The following MYT1L variants were observed in gnomAD, a reference collection of about 807,000 sequenced individuals.
MYT1L encodes the protein myelin transcription factor 1-like protein.
MYT1L carries 12 observed loss-of-function variants against 126.7 expected under a neutral mutation model. The ratio of observed to expected loss-of-function variants is 0.09; its 90% confidence interval spans 0.06 to 0.15. The LOEUF is 0.15. Ranked by LOEUF, MYT1L falls within the 10% of genes least tolerant of loss-of-function variation. MYT1L has a pLI of 1.00. For missense variants in MYT1L, 979 were observed against 1,585.2 expected (o/e 0.62, Z 6.49); for synonymous variants, 541 against 604.2 (o/e 0.90, Z 1.53).
chr2:2,277,213 A>G (rs2095374593), intron 2 of MYT1L, among the ~76,000 whole-genome samples: 1 of 152,040 alleles, frequency 6.6e-6, no homozygotes, highest in African/African-American at 2.4e-5. Context: ...CTCGTGATCC[A>G]TCTGCCTCGG....
chr2:2,287,382 C>T (rs964276918), intron 1 of MYT1L, among the ~76,000 whole-genome samples: 2 of 152,018 alleles, frequency 1.3e-5, no homozygotes, highest in Non-Finnish European at 2.9e-5. Flanking sequence ...ATGTCAGGAC[C>T]ATTATCTTTC....
At position 2,065,820 on chromosome 2, in the gene MYT1L, TTA is replaced by T. The variant is rs1491517712; in HGVS notation, c.-303-11699_-303-11698del. Among the ~76,000 whole-genome samples, 453 of 126,958 alleles carry T rather than the reference TTA, an allele frequency of 3.6e-3. 3 individuals are homozygous for T. The highest frequency in any genetic ancestry group is 0.014 in the African/African-American group (426 of 31,490). The allele number at this position is 126,958 out of a possible 152,430, so 83.3% of individuals were successfully genotyped here. On this transcript the variant is annotated intron_variant, in intron 3 of 24. Coordinates refer to ENST00000647738, the MANE Select transcript of MYT1L (RefSeq NM_001303052.2). ...CCTAGGGCATATCAATCTCTCTCTT[TTA>T]TACACACACACACACACACACACAC... is the stretch of plus-strand genomic sequence containing the variant.
Position 1,979,155 on chromosome 2 carries a change from C to G in MYT1L, c.152+10G>C, listed in dbSNP as rs746638906. 1.9e-6 allele frequency: 3 copies of G among 1,610,260 alleles called. No individual in the cohort carries two copies. Among genetic ancestry groups the G allele is most frequent in the African/African-American group, 1.3e-5 (1 of 74,888 alleles). ...ACAGCACATTGTGGAAAAAAAAATG[C>G]AGGCATTACCTTCTGTGTCTTGCAT... is the stretch of plus-strand genomic sequence containing the variant. On this transcript the variant is annotated intron_variant, in intron 8 of 24. Coordinates refer to ENST00000647738, the MANE Select transcript of MYT1L (RefSeq NM_001303052.2). The surrounding 1 kb of genome is among the most constrained non-coding windows in gnomAD (Gnocchi z 4.0).
intron 2 of MYT1L, among the ~76,000 whole-genome samples, chr2:2,222,489 T>A (rs965268425): frequency 1.8e-5 from 2 of 112,716 alleles, no homozygotes; most frequent in African/African-American, 7.0e-5. Flanking sequence ...GAGTGAGACT[T>A]TGTCTCAAAA....
In MYT1L at chr2:1,793,537, C is replaced by A. The variant is rs924626608; in HGVS notation, c.3277-1073G>T. ...CCTCTCCCTGTCGGCCCTGCCTTCT[C>A]CTATGTTCTGGCCCTCCCTTGGCTG... On this transcript the variant is annotated intron_variant, in intron 23 of 24. Transcript: ENST00000647738. The surrounding 1 kb of genome is among the most constrained non-coding windows in gnomAD (Gnocchi z 4.6). Among the ~76,000 whole-genome samples the A allele has an allele frequency of 6.6e-6, 1 of 152,210 alleles. No individual in the cohort carries two copies. Among genetic ancestry groups the A allele is most frequent in the Admixed American group, 6.5e-5 (1 of 15,292 alleles).
At position 1,806,657 on chromosome 2, in the gene MYT1L, G is replaced by T. The variant is rs141326877; in HGVS notation, c.3172+2419C>A. Among the ~76,000 whole-genome samples the T allele has an allele frequency of 1.9e-3, 297 of 152,326 alleles. No homozygotes were observed. The highest frequency in any genetic ancestry group is 6.7e-3 in the African/African-American group (280 of 41,570). On this transcript the variant is annotated intron_variant, in intron 22 of 24. Transcript: ENST00000647738. The surrounding 1 kb of genome is among the most constrained non-coding windows in gnomAD (Gnocchi z 4.9). ...ATGCCGACTCAGGCCCACCGATGAA[G>T]AGATGGCCACCTCAGGGATCTGCCC...
Position 2,325,546 on chromosome 2 carries a change from TA to T in MYT1L, c.-521+5420del, listed in dbSNP as rs529274757. The T allele has an allele frequency of 2.1e-4, 32 of 152,346 alleles. No homozygotes were observed. The East Asian group carries it at 6.0e-3, about 28-fold the overall frequency. 9.4% of individuals were successfully genotyped at this position (152,346 alleles called of 1,614,324 possible). A position where few individuals can be genotyped will look rare whatever the true frequency, so the allele number is the denominator to read the frequency against. On this transcript the variant is annotated intron_variant, in intron 1 of 24. Transcript: ENST00000647738. ...TGTTCATTAGCATTTTTTTCTGGCTTAAAAAAGTGCTGATTTTATAAATGGC... is the reference window on the plus strand; with the variant it reads ...TGTTCATTAGCATTTTTTTCTGGCTTAAAAAGTGCTGATTTTATAAATGGC...
At position 2,320,168 on chromosome 2, in the gene MYT1L, C is replaced by T. The variant is rs538190152; in HGVS notation, c.-521+10799G>A. Among the ~76,000 whole-genome samples the T allele has an allele frequency of 5.7e-4, 86 of 152,154 alleles. 1 individual carries two copies. Among genetic ancestry groups the T allele is most frequent in the African/African-American group, 2.0e-3 (83 of 41,516 alleles). ...CTACCCCAGTGGCTGGAAAGTCCCA[C>T]TGGGGTGCAGACATAGTCCCCTGAT... is the stretch of plus-strand genomic sequence containing the variant. On this transcript the variant is annotated intron_variant, in intron 1 of 24. Coordinates refer to ENST00000647738, the MANE Select transcript of MYT1L (RefSeq NM_001303052.2).
chr2:2,151,981 G>A (rs541939799), intron 3 of MYT1L, among the ~76,000 whole-genome samples: 6 of 152,220 alleles, frequency 3.9e-5, no homozygotes, highest in Admixed American at 2.0e-4. Flanking sequence ...ACTTGAACCC[G>A]GGAGGCAGAG....
intron 21 of MYT1L, among the ~76,000 whole-genome samples, chr2:1,835,015 C>CATGGGGATGGAT (rs2040683648): frequency 8.0e-6 from 1 of 125,268 alleles, no homozygotes; most frequent in Non-Finnish European, 1.6e-5. Context: ...CTCCACATAC[C>CATGGGGATGGAT]ACGGGGATGG....
chr2:2,291,695 G>A (rs1006269289), intron 1 of MYT1L, among the ~76,000 whole-genome samples: 17 of 152,330 alleles, frequency 1.1e-4, no homozygotes, highest in African/African-American at 3.6e-4. Flanking sequence ...CGCTGGGTGC[G>A]GTTGCAGGTG....
At chr2:2,131,105 G>A (rs1435044850) in intron 3 of MYT1L, among the ~76,000 whole-genome samples, 1 of 152,182 alleles carries the variant, frequency 6.6e-6, no homozygotes, top group Non-Finnish European at 1.5e-5. Flanking sequence ...AGCAGCAGCT[G>A]TCCCTGGGGA....
intron 21 of MYT1L, among the ~76,000 whole-genome samples, chr2:1,831,469 C>G (rs890783705): frequency 2.0e-5 from 3 of 152,210 alleles, no homozygotes; most frequent in Non-Finnish European, 2.9e-5. Context: ...CAACGTCGTT[C>G]CTCCCCTCTC....
At chr2:2,085,189 G>A (rs1269704087) in intron 3 of MYT1L, among the ~76,000 whole-genome samples, 1 of 152,180 alleles carries the variant, frequency 6.6e-6, no homozygotes, top group Non-Finnish European at 1.5e-5. Flanking sequence ...TGGCACTGGA[G>A]CTGTCTGCAT....
intron 18 of MYT1L, among the ~76,000 whole-genome samples, chr2:1,878,147 A>C (rs2047149439): frequency 1.3e-5 from 2 of 152,240 alleles, no homozygotes; most frequent in Non-Finnish European, 2.9e-5. Context: ...ACAATAGTGT[A>C]ACTGAGTCTT....
intron 4 of MYT1L, among the ~76,000 whole-genome samples, chr2:2,040,958 A>C (rs2067460668): frequency 6.6e-6 from 1 of 152,202 alleles, no homozygotes; most frequent in Non-Finnish European, 1.5e-5. Flanking sequence ...AGGAACACTC[A>C]AATAAGGCAA....
chr2:2,005,693 T>C (rs972560105), intron 4 of MYT1L, among the ~76,000 whole-genome samples: 2 of 151,364 alleles, frequency 1.3e-5, no homozygotes, highest in Non-Finnish European at 2.9e-5. Context: ...CCTGCGTGCC[T>C]TCTCTCCTGC....
intron 2 of MYT1L, among the ~76,000 whole-genome samples, chr2:2,270,216 G>A (rs2095234963): frequency 6.6e-6 from 1 of 152,238 alleles, no homozygotes; most frequent in Non-Finnish European, 1.5e-5. Context: ...AGGCACCTTA[G>A]TCTGGACTTC....
chr2:1,981,078 C>A (rs183404377), intron 5 of MYT1L, among the ~76,000 whole-genome samples: 1 of 151,404 alleles, frequency 6.6e-6, no homozygotes, highest in African/African-American at 2.4e-5. Flanking sequence ...GTAGATCTGC[C>A]GCTGAAATAA....
Sources: gnomAD v4.1 joint callset for allele counts (sites outside exome capture counted in the v4.1 genomes callset) on GRCh38, gnomAD v4.1.1 for gene constraint, Gnocchi (gnomAD v3.1) non-coding constraint, MANE v1.5 for transcripts, NCBI Gene and HGNC (gene_info 2026-07-23, HGNC 2026-07-21) for gene names.